CTSS: variants seen among roughly 807,000 people sequenced by gnomAD.
CTSS encodes the protein cathepsin S.
CTSS carries 15 observed loss-of-function variants against 39.9 expected under a neutral mutation model. That is an observed-to-expected ratio of 0.38 (90% confidence interval 0.25 to 0.58). The LOEUF (loss-of-function observed/expected upper bound fraction) is 0.58. Ranked by LOEUF, CTSS falls within the 20% of genes least tolerant of loss-of-function variation. The pLI, the probability that CTSS is intolerant of heterozygous loss-of-function variation, is 0.70. For synonymous variants in CTSS, 126 were observed against 138.2 expected, an observed-to-expected ratio of 0.91 and a Z score of 0.62; for missense variants, 250 against 398.2, an observed-to-expected ratio of 0.63 and a Z score of 3.17.
intron 7 of CTSS, among the ~76,000 whole-genome samples, chr1:150,742,386 T>C (rs951632518): frequency 9.2e-5 from 14 of 152,106 alleles, no homozygotes; most frequent in Non-Finnish European, 7.4e-5. Context: ...ACAGCATATA[T>C]AAAGAAACAG....
intron 3 of CTSS, 110 bp from the exon 4 acceptor site, chr1:150,755,260 C>T: frequency 2.4e-6 from 3 of 1,256,270 alleles, no homozygotes; most frequent in Non-Finnish European, 3.4e-6. Context: ...TGTACTTACA[C>T]AAACCTAGAG....
intron 6 of CTSS, 151 bp from the exon 7 acceptor site, chr1:150,748,030 G>T: frequency 1.8e-6 from 1 of 562,398 alleles, no homozygotes; most frequent in Non-Finnish European, 3.1e-6. Context: ...GGTGGCTCAT[G>T]CCTGTAATCC....
chr1:150,746,958 T>A (rs1652906538), intron 7 of CTSS, among the ~76,000 whole-genome samples: 1 of 152,118 alleles, frequency 6.6e-6, no homozygotes, highest in South Asian at 2.1e-4. Context: ...CAAATAAGTT[T>A]GGCAGCAGTA....
rs1221932076 is a variant in CTSS at position 150,736,092 on chromosome 1, A to G, written c.897-2947T>C. Among the ~76,000 whole-genome samples, 6 of 152,092 alleles carry G rather than the reference A, an allele frequency of 3.9e-5. No individual in the cohort carries two copies. The East Asian group carries it at 7.7e-4, about 20-fold the overall frequency. On this transcript the variant is annotated intron_variant, in intron 7 of 7. Transcript: ENST00000368985. ...ATTTTAGTAAAGAAGAGGTCTCACT[A>G]TGTTGCCCAGGCTGTAGCAATGCTC...
chr1:150,745,926 A>G (rs1284822776), intron 7 of CTSS, among the ~76,000 whole-genome samples: 1 of 152,164 alleles, frequency 6.6e-6, no homozygotes, highest in African/African-American at 2.4e-5. Context: ...GATTGACATA[A>G]TCAAATGAAA....
Position 150,730,890 on chromosome 1 carries a change from T to C in CTSS, c.*2156A>G, listed in dbSNP as rs908244657. ...ATAAAGAAGCATGCATATTAATATA[T>C]AACAAACTTATCTTTTAACATTTTA... On this transcript the variant is annotated 3_prime_UTR_variant, in exon 8 of 8. Coordinates refer to ENST00000368985, the MANE Select transcript of CTSS (RefSeq NM_004079.5). 1 of 151,746 alleles carries C rather than the reference T, an allele frequency of 6.6e-6. No homozygotes were observed. The highest frequency in any genetic ancestry group is 1.5e-5 in the Non-Finnish European group (1 of 67,900). The allele number at this position is 151,746 out of a possible 1,614,324, so 9.4% of individuals were successfully genotyped here.
At chr1:150,745,770 A>C (rs957482754) in intron 7 of CTSS, among the ~76,000 whole-genome samples, 6 of 152,144 alleles carry the variant, frequency 3.9e-5, no homozygotes, top group Non-Finnish European at 7.3e-5. Context: ...AGGCTGAGGA[A>C]AGTCAAAGAT....
At chr1:150,736,642 C>G (rs1451794536) in intron 7 of CTSS, among the ~76,000 whole-genome samples, 1 of 151,982 alleles carries the variant, frequency 6.6e-6, no homozygotes, top group African/African-American at 2.4e-5. Context: ...AATCCCAGAC[C>G]CCATTCAACA....
intron 7 of CTSS, among the ~76,000 whole-genome samples, chr1:150,741,874 C>CA (rs1288779582): frequency 1.8e-4 from 16 of 86,532 alleles, no homozygotes; most frequent in African/African-American, 5.2e-4. Context: ...GACTCTGTCT[C>CA]AAAAAAAAAA....
intron 5 of CTSS, among the ~76,000 whole-genome samples, chr1:150,751,540 GC>G (rs1331843566): frequency 6.6e-6 from 1 of 152,078 alleles, no homozygotes; most frequent in Non-Finnish European, 1.5e-5. Context: ...GAGCCACTAC[GC>G]CCAGTCATTA....
At position 150,744,549 on chromosome 1, in the gene CTSS, TTATA is replaced by T. The variant is rs1159012904; in HGVS notation, c.896+3224_896+3227del. 5.9e-4 allele frequency among the ~76,000 whole-genome samples: 70 copies of T among 118,788 alleles called. 1 individual carries two copies. Among genetic ancestry groups the T allele is most frequent in the Non-Finnish European group, 7.6e-4 (47 of 61,866 alleles). 77.9% of individuals were successfully genotyped at this position (118,788 alleles called of 152,430 possible). Reference sequence around the variant, plus strand: ...TTATGTATACATAATATATTATATATTATATATGTATATTATGTATACATAATAT... The same window carrying T: ...TTATGTATACATAATATATTATATATTATGTATATTATGTATACATAATAT... On this transcript the variant is annotated intron_variant, in intron 7 of 7. Transcript: ENST00000368985.
At chr1:150,748,742 C>T (rs1652945158) in intron 6 of CTSS, among the ~76,000 whole-genome samples, 1 of 152,108 alleles carries the variant, frequency 6.6e-6, no homozygotes, top group Non-Finnish European at 1.5e-5. Flanking sequence ...CCACTGCACC[C>T]AGCTAGATAT....
At chr1:150,747,501 A>G (rs751845690) in intron 7 of CTSS, among the ~76,000 whole-genome samples, 2 of 152,136 alleles carry the variant, frequency 1.3e-5, no homozygotes, top group African/African-American at 2.4e-5. Context: ...TTTTTGGGCT[A>G]AATAGAGGAG....
intron 4 of CTSS, among the ~76,000 whole-genome samples, chr1:150,752,456 C>A (rs1434561359): frequency 1.3e-5 from 2 of 152,232 alleles, no homozygotes; most frequent in South Asian, 2.1e-4. Context: ...ATTTTTCAAA[C>A]CTTTGTTATC....
intron 2 of CTSS, among the ~76,000 whole-genome samples, chr1:150,760,910 G>A (rs1384687769): frequency 6.6e-6 from 1 of 151,378 alleles, no homozygotes; most frequent in East Asian, 1.9e-4. Context: ...GTTGGGCAAG[G>A]CGGCTTATGC....
intron 7 of CTSS, among the ~76,000 whole-genome samples, chr1:150,737,949 A>G (rs1220423980): frequency 6.6e-6 from 1 of 152,166 alleles, no homozygotes; most frequent in Non-Finnish European, 1.5e-5. Context: ...CCAAAAGGCT[A>G]ATGTGCTGGG....
intron 1 of CTSS, among the ~76,000 whole-genome samples, chr1:150,765,425 T>G (rs1653354540): frequency 6.6e-6 from 1 of 152,174 alleles, no homozygotes; most frequent in African/African-American, 2.4e-5. Context: ...TTCTACTTTC[T>G]TTTCCATTTC....
chr1:150,762,807 C>T (rs181048671), intron 2 of CTSS, among the ~76,000 whole-genome samples: 1 of 152,240 alleles, frequency 6.6e-6, no homozygotes, highest in East Asian at 1.9e-4. Flanking sequence ...AGGGAACCCT[C>T]ATACACTTTT....
intron 6 of CTSS, among the ~76,000 whole-genome samples, chr1:150,749,050 C>G (rs1652951037): frequency 6.6e-6 from 1 of 152,198 alleles, no homozygotes; most frequent in Admixed American, 6.5e-5. Context: ...ACACCCCCAT[C>G]TCTCTCCTCA....
Sources: allele counts gnomAD v4.1 joint callset (sites outside exome capture counted in the v4.1 genomes callset), GRCh38; gene constraint gnomAD v4.1.1; transcripts MANE v1.5; gene names NCBI Gene and HGNC (gene_info 2026-07-23, HGNC 2026-07-21).